The following MEIS3 variants were observed in gnomAD, a reference collection of about 807,000 sequenced individuals.
MEIS3 encodes homeobox protein Meis3.
In MEIS3, 38 loss-of-function variants were observed where a neutral mutation model predicts 51.4. The ratio of observed to expected loss-of-function variants is 0.74; its 90% CI spans 0.57 to 0.97. The LOEUF (loss-of-function observed/expected upper bound fraction) is 0.97, where lower values mean the gene tolerates loss of function less well. Among genes scored for constraint, MEIS3 ranks in the 50% least tolerant of loss-of-function variants. The pLI, the probability that MEIS3 is intolerant of heterozygous loss-of-function variation, is 0.00. For synonymous variants in MEIS3, 198 were observed against 201.8 expected (o/e 0.98, Z 0.16); for missense variants, 456 against 502.6 (o/e 0.91, Z 0.89).
intron 10 of MEIS3, 24 bp from the exon 11 acceptor site, chr19:47,406,995 A>AG (rs1413108507): frequency 6.4e-7 from 1 of 1,573,870 alleles, no homozygotes; most frequent in Non-Finnish European, 8.6e-7. Flanking sequence ...TCAGAGGTGC[A>AG]GGCTGAGCCC....
At chr19:47,407,513 T>G in intron 8 of MEIS3, 85 bp from the exon 9 acceptor site, 1 of 1,609,008 alleles carries the variant, frequency 6.2e-7, no homozygotes, top group East Asian at 2.2e-5. Flanking sequence ...GTCCGGGGGA[T>G]GGGGAGCCCA....
intron 2 of MEIS3, 42 bp downstream of exon 2, chr19:47,417,136 C>CAG (rs566975884): frequency 2.9e-5 from 44 of 1,525,282 alleles, no homozygotes; most frequent in Middle Eastern, 2.2e-4. Context: ...AGCAGAAAGA[C>CAG]AGAGAGAGAG....
intron 11 of MEIS3, 45 bp downstream of exon 11, chr19:47,406,822 CATCTTTGTTTTACAGGTGGGT>C: frequency 7.3e-7 from 1 of 1,375,878 alleles, no homozygotes; most frequent in Non-Finnish European, 9.9e-7. Context: ...CTCAGGTGGG[CATCTTTGTTTTACAGGTGGGT>C]CATGGTGCGC....
At chr19:47,404,437 G>A (rs1258673271) in intron 12 of MEIS3, among the ~76,000 whole-genome samples, 2 of 152,036 alleles carry the variant, frequency 1.3e-5, no homozygotes, top group African/African-American at 4.8e-5. Context: ...CATCCCCAGG[G>A]CTTTTCTGCT....
chr19:47,414,571 G>T (rs1372669291), intron 6 of MEIS3, 146 bp downstream of exon 6: 3 of 898,104 alleles, frequency 3.3e-6, no homozygotes, highest in African/African-American at 3.3e-5. Context: ...GTTGTGTAGT[G>T]GGTGTGTGGC....
upstream of MEIS3, among the ~76,000 whole-genome samples, chr19:47,420,353 TC>T (rs111747180): frequency 2.2e-4 from 34 of 151,180 alleles, 1 homozygote; most frequent in African/African-American, 8.0e-4. Context: ...CATGCTAAGG[TC>T]CCCTTAGCCC....
At chr19:47,404,548 C>A (rs921237941) in intron 12 of MEIS3, among the ~76,000 whole-genome samples, 1 of 152,102 alleles carries the variant, frequency 6.6e-6, no homozygotes, top group African/African-American at 2.4e-5. Flanking sequence ...CTCACAGCCA[C>A]GAGATTTCCA....
chr19:47,406,211 C>T lies in MEIS3; in HGVS notation c.*17+249G>A, dbSNP rs752234725. ...TGCGGGTGAATGAGTAATTGAGTAA[C>T]GGATGGATAAAGATATGGATGGGTG... On this transcript the variant is annotated intron_variant, in intron 12 of 12. Coordinates refer to ENST00000558555, the MANE Select transcript of MEIS3 (RefSeq NM_001301059.2). 1.3e-5 allele frequency: 5 copies of T among 399,388 alleles called. No homozygotes were observed. In the South Asian group the frequency reaches 1.4e-4, roughly 11 times the overall value. The allele number at this position is 399,388 out of a possible 1,614,324, so 24.7% of individuals were successfully genotyped here. A position where few individuals can be genotyped will look rare whatever the true frequency, so the allele number is the denominator to read the frequency against.
intron 8 of MEIS3, among the ~76,000 whole-genome samples, chr19:47,408,496 ATCTC>A (rs368159435): frequency 1.3e-5 from 2 of 149,566 alleles, no homozygotes; most frequent in Non-Finnish European, 3.0e-5. Context: ...TTCTGTCTGT[ATCTC>A]TCTCTCTCTC....
chr19:47,414,687 G>A, intron 6 of MEIS3, 30 bp downstream of exon 6: 2 of 1,560,222 alleles, frequency 1.3e-6, no homozygotes, highest in Non-Finnish European at 1.7e-6. Context: ...GTGGCTGCAG[G>A]ACGATGCCTG....
rs1023877933 is a variant in MEIS3 at position 47,407,398 on chromosome 19, G to T, written c.889C>A (p.Gln297Lys). The T allele has an allele frequency of 6.2e-7, 1 of 1,613,660 alleles. No homozygotes were observed. The highest frequency in any genetic ancestry group is 8.5e-7 in the Non-Finnish European group (1 of 1,179,912). ...HPYPSEEQKK[Q>K]LAQDTGLTIL... Reference sequence around the variant, plus strand: ...GTGAGCCCCGTGTCCTGCGCCAGCTGTTTCTTCTGCTCCTCCGAGGGGTAC... The same window carrying T: ...GTGAGCCCCGTGTCCTGCGCCAGCTTTTTCTTCTGCTCCTCCGAGGGGTAC... Residue 297 changes from glutamine to lysine, a missense_variant, in exon 9 of 13, where the codon CAG becomes AAG. By Grantham distance (53) the Gln-to-Lys change is moderately conservative. Transcript: ENST00000558555.
intron 9 of MEIS3, 91 bp downstream of exon 9, chr19:47,407,261 G>A: frequency 6.7e-7 from 1 of 1,500,600 alleles, no homozygotes; most frequent in South Asian, 1.2e-5. Context: ...AGGGGCAGTG[G>A]CTCTGCGGGG....
intron 6 of MEIS3, 152 bp downstream of exon 6, chr19:47,414,565 T>G: frequency 2.3e-6 from 2 of 855,432 alleles, no homozygotes; most frequent in South Asian, 1.7e-5. Flanking sequence ...GTAGCTGTTG[T>G]GTAGTGGGTG....
At chr19:47,420,319 T>C (rs1971656715), upstream of MEIS3, among the ~76,000 whole-genome samples, 1 of 152,170 alleles carries the variant, frequency 6.6e-6, no homozygotes, top group African/African-American at 2.4e-5. Context: ...TCTCTGGCTC[T>C]ATTTGCTTTT....
In MEIS3 at chr19:47,417,406, G is replaced by A. The variant is rs774129946; in HGVS notation, c.13-56C>T. 17 of 1,597,312 alleles carry A rather than the reference G, an allele frequency of 1.1e-5. No homozygotes were observed. The African/African-American group carries it at 2.1e-4, about 20-fold the overall frequency. ...CCCCAGGGAGGGGTCAGCACCCCGA[G>A]ACTCGGCTGAGGAGCTTCTCTATCC... On this transcript the variant is annotated intron_variant, in intron 1 of 12. Coordinates refer to ENST00000558555, the MANE Select transcript of MEIS3 (RefSeq NM_001301059.2).
chr19:47,416,345 A>G, intron 4 of MEIS3: 1 of 354,108 alleles, frequency 2.8e-6, no homozygotes, highest in Non-Finnish European at 5.1e-6. Flanking sequence ...CCCCCACAGC[A>G]GCCCTCCAAG....
chr19:47,418,824 G>A (rs1203395832), intron 1 of MEIS3: 1 of 387,902 alleles, frequency 2.6e-6, no homozygotes, highest in Admixed American at 4.5e-5. Flanking sequence ...GGGGGACAGA[G>A]GGGCAGGGAG....
chr19:47,414,875 G>A lies in MEIS3; in HGVS notation c.448-9C>T, dbSNP rs754810622. The A allele has an allele frequency of 1.3e-6, 2 of 1,564,906 alleles. No homozygotes were observed. Among genetic ancestry groups the A allele is most frequent in the Non-Finnish European group, 1.7e-6 (2 of 1,146,218 alleles). On this transcript the variant is annotated splice_polypyrimidine_tract_variant and intron_variant, in intron 5 of 12. Coordinates refer to ENST00000558555, the MANE Select transcript of MEIS3 (RefSeq NM_001301059.2). ...TCGCACAGGTCGTGGACCTGGGGGGGCACCGGGGTACTGGGGGGGGCCACC... is the reference window on the plus strand; with the variant it reads ...TCGCACAGGTCGTGGACCTGGGGGGACACCGGGGTACTGGGGGGGGCCACC...
chr19:47,417,132 AAGAC>A (rs763249488), intron 2 of MEIS3, 42 bp downstream of exon 2: 2 of 1,538,712 alleles, frequency 1.3e-6, no homozygotes, highest in South Asian at 2.6e-5. Flanking sequence ...AAGAAGCAGA[AAGAC>A]AGAGAGAGAG....
Sources: allele counts gnomAD v4.1 joint callset (sites outside exome capture counted in the v4.1 genomes callset), GRCh38; gene constraint gnomAD v4.1.1; transcripts MANE v1.5; gene names NCBI Gene and HGNC (gene_info 2026-07-23, HGNC 2026-07-21).